Variants in MDGA2 observed in about 807,000 individuals in gnomAD.
MDGA2 encodes the protein MAM domain containing glycosylphosphatidylinositol anchor 2, also known as MAM domain-containing glycosylphosphatidylinositol anchor protein 2.
A neutral mutation model predicts 117.8 loss-of-function variants in MDGA2; 40 were observed. The ratio of observed to expected loss-of-function variants is 0.34; its 90% confidence interval spans 0.26 to 0.44. The LOEUF (loss-of-function observed/expected upper bound fraction) is 0.44, where lower values mean the gene tolerates loss of function less well. Among genes scored for constraint, MDGA2 ranks in the 20% least tolerant of loss-of-function variants. The pLI is 1.00. For synonymous variants in MDGA2, 452 were observed against 439.0 expected, an observed-to-expected ratio of 1.03 and a Z score of -0.37; for missense variants, 1,123 against 1,250.6, an observed-to-expected ratio of 0.90 and a Z score of 1.54.
intron 1 of MDGA2, among the ~76,000 whole-genome samples, chr14:47,334,984 T>C (rs1890397533): frequency 6.6e-6 from 1 of 151,890 alleles, no homozygotes; most frequent in Admixed American, 6.6e-5. Flanking sequence ...AGCTTTGAAA[T>C]TGGGTGGTTT....
chr14:47,106,046 A>G (rs1050849502), intron 5 of MDGA2, among the ~76,000 whole-genome samples: 9 of 152,218 alleles, frequency 5.9e-5, no homozygotes, highest in East Asian at 1.9e-4. Context: ...GAATAGTCAA[A>G]GTTAATGCTC....
intron 1 of MDGA2, among the ~76,000 whole-genome samples, chr14:47,358,159 A>C (rs1891037254): frequency 6.6e-6 from 1 of 152,206 alleles, no homozygotes; most frequent in Admixed American, 6.5e-5. Context: ...AACCTCACCC[A>C]GAGAGGTGTC....
At chr14:47,436,199 C>G (rs1189221269) in intron 1 of MDGA2, among the ~76,000 whole-genome samples, 1 of 152,052 alleles carries the variant, frequency 6.6e-6, no homozygotes, top group Non-Finnish European at 1.5e-5. Context: ...GAGAAGTTGT[C>G]TTTCTAACAG....
chr14:47,431,036 T>C (rs143946979), intron 1 of MDGA2, among the ~76,000 whole-genome samples: 9 of 152,184 alleles, frequency 5.9e-5, no homozygotes, highest in South Asian at 2.1e-4. Flanking sequence ...TCTGTTTTGA[T>C]TGGGGATTGT....
chr14:47,513,374 C>T (rs1894683118), intron 1 of MDGA2, among the ~76,000 whole-genome samples: 1 of 152,044 alleles, frequency 6.6e-6, no homozygotes, highest in Non-Finnish European at 1.5e-5. Flanking sequence ...TTAATATATA[C>T]ATGGGACAAT....
intron 2 of MDGA2, among the ~76,000 whole-genome samples, chr14:47,289,341 A>ACACACG (rs1555370382): frequency 6.7e-6 from 1 of 148,840 alleles, no homozygotes; most frequent in Non-Finnish European, 1.5e-5. Context: ...ACACACACGC[A>ACACACG]CACACTCTCA....
At chr14:47,114,955 CAAAAAAA>C (rs35950492) in intron 5 of MDGA2, among the ~76,000 whole-genome samples, 1 of 127,312 alleles carries the variant, frequency 7.9e-6, no homozygotes. Flanking sequence ...TCTGCACAGC[CAAAAAAA>C]AAAAAAAAAT....
chr14:46,903,165 C>A, intron 10 of MDGA2, among the ~76,000 whole-genome samples: 1 of 152,052 alleles, frequency 6.6e-6, no homozygotes, highest in East Asian at 1.9e-4. Flanking sequence ...TTCTTTTCGT[C>A]CAATAAATTC....
intron 1 of MDGA2, among the ~76,000 whole-genome samples, chr14:47,510,710 T>C (rs1440077162): frequency 6.6e-6 from 1 of 152,208 alleles, no homozygotes; most frequent in East Asian, 1.9e-4. Context: ...GTGATTACAA[T>C]AAAATCCAAA....
intron 14 of MDGA2, among the ~76,000 whole-genome samples, chr14:46,857,403 G>GT (rs1248225388): frequency 6.6e-6 from 1 of 151,816 alleles, no homozygotes; most frequent in Admixed American, 6.6e-5. Context: ...TTTTTTCCAC[G>GT]TATTAAAGGT....
chr14:47,154,109 T>G (rs1385847999), intron 3 of MDGA2, among the ~76,000 whole-genome samples: 1 of 152,146 alleles, frequency 6.6e-6, no homozygotes, highest in Non-Finnish European at 1.5e-5. Flanking sequence ...CAAGAGAGTC[T>G]TGTTTTGTTT....
At chr14:47,256,899 G>T (rs756191832) in intron 2 of MDGA2, among the ~76,000 whole-genome samples, 6 of 144,686 alleles carry the variant, frequency 4.1e-5, no homozygotes, top group Non-Finnish European at 9.1e-5. Flanking sequence ...GAAAAAAGAA[G>T]GAAAGAAAGA....
At chr14:47,179,021 T>C (rs1376371037) in intron 3 of MDGA2, among the ~76,000 whole-genome samples, 1 of 152,060 alleles carries the variant, frequency 6.6e-6, no homozygotes, top group East Asian at 1.9e-4. Flanking sequence ...ACCAGGGACT[T>C]TGGTAGATAA....
chr14:47,450,203 T>G (rs1455393556), intron 1 of MDGA2, among the ~76,000 whole-genome samples: 2 of 152,090 alleles, frequency 1.3e-5, no homozygotes, highest in Non-Finnish European at 2.9e-5. Flanking sequence ...TTTCTTAAAA[T>G]GGGACTTAGC....
chr14:47,549,343 A>ATCTCTCTCTCTCTCTG (rs1555331368), intron 1 of MDGA2, among the ~76,000 whole-genome samples: 2 of 140,112 alleles, frequency 1.4e-5, no homozygotes, highest in Non-Finnish European at 3.1e-5. Context: ...CACCAGTATT[A>ATCTCTCTCTCTCTCTG]TCTCTCTCTC....
intron 6 of MDGA2, among the ~76,000 whole-genome samples, chr14:47,068,612 T>C (rs2138825303): frequency 6.6e-6 from 1 of 152,082 alleles, no homozygotes; most frequent in Admixed American, 6.5e-5. Context: ...AGCTCACCTT[T>C]TCTATCAAAT....
chr14:46,932,451 A>G (rs1884617644), intron 9 of MDGA2, among the ~76,000 whole-genome samples: 1 of 152,158 alleles, frequency 6.6e-6, no homozygotes. Flanking sequence ...TTATTTAAGT[A>G]TAATGAGTTA....
intron 10 of MDGA2, 124 bp downstream of exon 10, chr14:46,919,888 A>G (rs1884058002): frequency 2.6e-6 from 2 of 778,238 alleles, no homozygotes; most frequent in Middle Eastern, 2.6e-4. Flanking sequence ...CTGTCTATCT[A>G]TATACAGAAA....
chr14:47,426,698 TTA>T (rs10640741), intron 1 of MDGA2, among the ~76,000 whole-genome samples: 34 of 146,370 alleles, frequency 2.3e-4, no homozygotes, highest in South Asian at 4.2e-4. Context: ...TATATATCAT[TTA>T]TATATATATA....
Sources: gnomAD v4.1 joint callset for allele counts (sites outside exome capture counted in the v4.1 genomes callset) on GRCh38, gnomAD v4.1.1 for gene constraint, MANE v1.5 for transcripts, NCBI Gene and HGNC (gene_info 2026-07-23, HGNC 2026-07-21) for gene names.